PRKCE: variants seen among roughly 807,000 people sequenced by gnomAD.
PRKCE encodes the protein protein kinase C epsilon.
In PRKCE, 16 loss-of-function variants were observed where a neutral mutation model predicts 85.4. The observed-to-expected ratio is 0.19, with a 90% CI of 0.13 to 0.28. The LOEUF (loss-of-function observed/expected upper bound fraction) is 0.28, where lower values mean the gene tolerates loss of function less well. Among genes scored for constraint, PRKCE ranks in the 10% least tolerant of loss-of-function variants. The pLI, the probability that PRKCE is intolerant of heterozygous loss-of-function variation, is 1.00. For synonymous variants in PRKCE, 388 were observed against 371.5 expected, an observed-to-expected ratio of 1.04 and a Z score of -0.51; for missense variants, 573 against 975.2, an observed-to-expected ratio of 0.59 and a Z score of 5.49.
intron 1 of PRKCE, among the ~76,000 whole-genome samples, chr2:45,707,555 TG>T (rs967646295): frequency 1.3e-5 from 2 of 152,360 alleles, no homozygotes; most frequent in Non-Finnish European, 2.9e-5. Context: ...GCTGGTCCTG[TG>T]ACTTGCTCTT....
chr2:45,705,287 C>A (rs1044322640), intron 1 of PRKCE, among the ~76,000 whole-genome samples: 10 of 152,206 alleles, frequency 6.6e-5, no homozygotes, highest in Non-Finnish European at 1.5e-4. Flanking sequence ...AAGCAGCAGG[C>A]TTTATTTCAC....
chr2:45,890,614 C>A (rs1982365), intron 2 of PRKCE, among the ~76,000 whole-genome samples: 53,472 of 151,980 alleles, frequency 0.35, 9,757 homozygotes, highest in East Asian at 0.55. Flanking sequence ...CTCCTGGCCT[C>A]AAGTGATCTG....
chr2:45,672,992 A>T (rs1254609176), intron 1 of PRKCE, among the ~76,000 whole-genome samples: 1 of 152,072 alleles, frequency 6.6e-6, no homozygotes, highest in African/African-American at 2.4e-5. Context: ...GCACCACTCT[A>T]CTCCAGCCTG....
intron 2 of PRKCE, among the ~76,000 whole-genome samples, chr2:45,942,369 G>A (rs951043938): frequency 6.6e-6 from 1 of 152,180 alleles, no homozygotes; most frequent in African/African-American, 2.4e-5. Context: ...CTTCCAAATT[G>A]TGCAAGTGAG....
At chr2:46,025,375 G>A (rs1041383222) in intron 10 of PRKCE, among the ~76,000 whole-genome samples, 1 of 152,126 alleles carries the variant, frequency 6.6e-6, no homozygotes, top group Non-Finnish European at 1.5e-5. Context: ...TTTAGTACCT[G>A]GTACGGTATG....
chr2:45,903,412 G>A (rs890385774), intron 2 of PRKCE, among the ~76,000 whole-genome samples: 1 of 152,182 alleles, frequency 6.6e-6, no homozygotes, highest in Non-Finnish European at 1.5e-5. Context: ...ATGGTATGGC[G>A]TCACCATCCC....
At chr2:45,758,978 A>G (rs1245452427) in intron 1 of PRKCE, among the ~76,000 whole-genome samples, 2 of 152,162 alleles carry the variant, frequency 1.3e-5, no homozygotes, top group Non-Finnish European at 2.9e-5. Context: ...GGACCGTGGG[A>G]GAGTATCAGC....
At chr2:45,840,121 A>T (rs891662330) in intron 1 of PRKCE, among the ~76,000 whole-genome samples, 25 of 152,286 alleles carry the variant, frequency 1.6e-4, no homozygotes, top group Non-Finnish European at 2.2e-4. Flanking sequence ...TCCCTGCTTT[A>T]CACAGATAGC....
intron 1 of PRKCE, among the ~76,000 whole-genome samples, chr2:45,765,916 G>A (rs996047990): frequency 1.3e-5 from 2 of 152,210 alleles, no homozygotes; most frequent in African/African-American, 4.8e-5. Context: ...GTAGGAAAGG[G>A]AATTATATTG....
In PRKCE at chr2:46,085,755, G is replaced by GT. The variant is rs869284473; in HGVS notation, c.1438-436dup. ...AAATCCGTTTTTTTTTTTTGTTTTT[G>GT]TTTTTTTTTTTTTTTTTAGCCATAT... On this transcript the variant is annotated intron_variant, in intron 10 of 14. Coordinates refer to ENST00000306156, the MANE Select transcript of PRKCE (RefSeq NM_005400.3). 6.5e-4 allele frequency among the ~76,000 whole-genome samples: 14 copies of GT among 21,560 alleles called. 1 individual carries two copies. Among genetic ancestry groups the GT allele is most frequent in the Non-Finnish European group, 8.2e-4 (9 of 10,922 alleles). The allele number at this position is 21,560 out of a possible 152,430, so 14.1% of individuals were successfully genotyped here.
intron 10 of PRKCE, among the ~76,000 whole-genome samples, chr2:46,022,472 A>C (rs1706749529): frequency 6.6e-6 from 1 of 152,162 alleles, no homozygotes; most frequent in Non-Finnish European, 1.5e-5. Context: ...CTACAGGGAA[A>C]GTCACATGGG....
Position 46,184,702 on chromosome 2 carries a change from C to G in PRKCE, c.2068-33C>G, listed in dbSNP as rs780432995. On this transcript the variant is annotated intron_variant, in intron 14 of 14. Coordinates refer to ENST00000306156, the MANE Select transcript of PRKCE (RefSeq NM_005400.3). This position sits in a 1 kb window ranked among gnomAD's most constrained non-coding sequence, Gnocchi z 5.0. The stretch of plus-strand genomic sequence containing the variant: ...GGGGGCCCTCAGGAGGGAGAGCAGC[C>G]TCAACTCACCACTTTCTCTTTTCTT... The G allele has an allele frequency of 6.3e-7, 1 of 1,595,750 alleles. No homozygotes were observed. Among genetic ancestry groups the G allele is most frequent in the Non-Finnish European group, 8.5e-7 (1 of 1,177,980 alleles).
intron 2 of PRKCE, among the ~76,000 whole-genome samples, chr2:45,872,376 C>T (rs1694164235): frequency 6.6e-6 from 1 of 152,182 alleles, no homozygotes; most frequent in African/African-American, 2.4e-5. Context: ...AGCAGAGAGC[C>T]AGCTCATGCA....
chr2:45,902,894 T>A (rs1029952304), intron 2 of PRKCE, among the ~76,000 whole-genome samples: 1 of 151,966 alleles, frequency 6.6e-6, no homozygotes, highest in Non-Finnish European at 1.5e-5. Context: ...GCACTGGGAG[T>A]TTCTGGACTG....
At chr2:45,736,254 C>T (rs1407461460) in intron 1 of PRKCE, among the ~76,000 whole-genome samples, 1 of 152,166 alleles carries the variant, frequency 6.6e-6, no homozygotes, top group Non-Finnish European at 1.5e-5. Context: ...AGCCACTGTG[C>T]CTGACCGACA....
At chr2:45,893,443 C>G (rs553536475) in intron 2 of PRKCE, among the ~76,000 whole-genome samples, 1 of 151,724 alleles carries the variant, frequency 6.6e-6, no homozygotes, top group Admixed American at 6.6e-5. Context: ...TCTCGGCTCA[C>G]TGCAACCTCT....
intron 12 of PRKCE, among the ~76,000 whole-genome samples, chr2:46,149,561 AACAC>A (rs1373307926): frequency 6.6e-6 from 1 of 152,046 alleles, no homozygotes; most frequent in Non-Finnish European, 1.5e-5. Context: ...CTCTGAGCCA[AACAC>A]ATCATTGATC....
chr2:45,880,343 G>T (rs1328032404), intron 2 of PRKCE, among the ~76,000 whole-genome samples: 1 of 152,222 alleles, frequency 6.6e-6, no homozygotes, highest in Non-Finnish European at 1.5e-5. Flanking sequence ...GGGGGATACA[G>T]ATATCTCTTT....
At chr2:45,985,954 AG>A (rs775026185) in intron 6 of PRKCE, among the ~76,000 whole-genome samples, 17 of 152,228 alleles carry the variant, frequency 1.1e-4, no homozygotes, top group Non-Finnish European at 2.2e-4. Context: ...AAAGCTATAA[AG>A]TCAATGTCAT....
Sources: allele counts gnomAD v4.1 joint callset (sites outside exome capture counted in the v4.1 genomes callset), GRCh38; gene constraint gnomAD v4.1.1; non-coding constraint Gnocchi (gnomAD v3.1); transcripts MANE v1.5; gene names NCBI Gene and HGNC (gene_info 2026-07-23, HGNC 2026-07-21).